Variants in CTNNA3 observed in about 807,000 individuals in gnomAD.
CTNNA3 encodes catenin alpha-3.
CTNNA3 carries 76 observed loss-of-function variants against 95.7 expected under a neutral mutation model. The ratio of observed to expected loss-of-function variants is 0.79; its 90% CI spans 0.66 to 0.96. The LOEUF (loss-of-function observed/expected upper bound fraction) is 0.96. CTNNA3 is among the 40% of genes least tolerant of loss of function. CTNNA3 has a pLI of 0.00. For missense variants in CTNNA3, 1,191 were observed against 1,089.8 expected (o/e 1.09, Z -1.31); for synonymous variants, 431 against 374.4 (o/e 1.15, Z -1.74).
chr10:66,093,818 C>T (rs2081295426), intron 14 of CTNNA3, among the ~76,000 whole-genome samples: 1 of 151,930 alleles, frequency 6.6e-6, no homozygotes. Context: ...ATATATTAGC[C>T]TAGGGTGTGC....
At position 66,452,008 on chromosome 10, in the gene CTNNA3, T is replaced by G. The variant is rs7080975; in HGVS notation, c.1531+68609A>C. Among the ~76,000 whole-genome samples, 936 of 152,306 alleles carry G rather than the reference T, an allele frequency of 6.1e-3. 9 individuals are homozygous for G. Among genetic ancestry groups the G allele is most frequent in the African/African-American group, 0.021 (879 of 41,582 alleles). On this transcript the variant is annotated intron_variant, in intron 11 of 17. Coordinates refer to ENST00000433211, the MANE Select transcript of CTNNA3 (RefSeq NM_013266.4). ...CCCCAGCACTTTCTTCTCCCTCATC[T>G]TCCTATTTCTGAATGGTTCCCTGGC...
At chr10:67,669,621 T>G (rs529930226) in intron 1 of CTNNA3, among the ~76,000 whole-genome samples, 5 of 152,340 alleles carry the variant, frequency 3.3e-5, no homozygotes, top group East Asian at 1.9e-4. Context: ...GAGTAATTAC[T>G]TATAAAATTA....
chr10:66,166,490 G>GAC (rs2085134170), intron 13 of CTNNA3, among the ~76,000 whole-genome samples: 2 of 107,780 alleles, frequency 1.9e-5, no homozygotes, highest in Non-Finnish European at 3.6e-5. Flanking sequence ...CAGAGTGACA[G>GAC]TCTGTCTCAA....
intron 11 of CTNNA3, among the ~76,000 whole-genome samples, chr10:66,380,551 T>G (rs2092829464): frequency 6.6e-6 from 1 of 151,546 alleles, no homozygotes; most frequent in African/African-American, 2.4e-5. Flanking sequence ...GAGGCTACAG[T>G]GAGCTTTGAT....
intron 9 of CTNNA3, among the ~76,000 whole-genome samples, chr10:66,721,706 A>C (rs1384374812): frequency 6.6e-6 from 1 of 152,194 alleles, no homozygotes; most frequent in African/African-American, 2.4e-5. Context: ...GACCATAAAA[A>C]CAGAAGGTGG....
chr10:66,452,729 T>C (rs887397169), intron 11 of CTNNA3, among the ~76,000 whole-genome samples: 2 of 152,150 alleles, frequency 1.3e-5, no homozygotes, highest in African/African-American at 4.8e-5. Context: ...TTTTGAGGTA[T>C]TTTTTAGGCC....
chr10:66,537,922 T>C (rs1052289519), intron 10 of CTNNA3, among the ~76,000 whole-genome samples: 7 of 152,148 alleles, frequency 4.6e-5, no homozygotes, highest in African/African-American at 1.4e-4. Context: ...TTTTACTATA[T>C]TGAAAGGATA....
At chr10:67,577,475 T>C (rs1369983861) in intron 3 of CTNNA3, among the ~76,000 whole-genome samples, 1 of 152,120 alleles carries the variant, frequency 6.6e-6, no homozygotes, top group Non-Finnish European at 1.5e-5. Flanking sequence ...ATTTTGTAGG[T>C]TGCCTGTTCA....
chr10:66,642,644 C>A (rs968247376), intron 9 of CTNNA3, among the ~76,000 whole-genome samples: 1 of 151,842 alleles, frequency 6.6e-6, no homozygotes, highest in Admixed American at 6.6e-5. Flanking sequence ...CCGCCATTTT[C>A]AAAAATATAT....
intron 7 of CTNNA3, among the ~76,000 whole-genome samples, chr10:67,148,274 C>T (rs1860932758): frequency 6.6e-6 from 1 of 152,152 alleles, no homozygotes; most frequent in South Asian, 2.1e-4. Context: ...CAAATCCAGC[C>T]TTAGGAAAAG....
At chr10:66,593,889 C>A (rs1843628596) in intron 10 of CTNNA3, among the ~76,000 whole-genome samples, 1 of 152,022 alleles carries the variant, frequency 6.6e-6, no homozygotes, top group African/African-American at 2.4e-5. Context: ...TTGAACTAGG[C>A]CTCATTGCTT....
chr10:67,124,755 T>C (rs769266559), intron 7 of CTNNA3, among the ~76,000 whole-genome samples: 4 of 152,256 alleles, frequency 2.6e-5, no homozygotes, highest in Non-Finnish European at 5.9e-5. Context: ...AAATTAATCA[T>C]GAAACATTAA....
intron 9 of CTNNA3, among the ~76,000 whole-genome samples, chr10:66,650,256 A>G (rs141839662): frequency 7.9e-5 from 12 of 152,208 alleles, no homozygotes; most frequent in African/African-American, 2.4e-4. Context: ...ACCCGGGTGT[A>G]GCACAGAAAT....
intron 13 of CTNNA3, among the ~76,000 whole-genome samples, chr10:66,114,048 C>T (rs1284518960): frequency 6.6e-6 from 1 of 152,118 alleles, no homozygotes; most frequent in Non-Finnish European, 1.5e-5. Context: ...CACACCCTGA[C>T]CTTCAACTCT....
At chr10:66,787,097 A>G (rs1840779017) in intron 7 of CTNNA3, among the ~76,000 whole-genome samples, 1 of 152,198 alleles carries the variant, frequency 6.6e-6, no homozygotes, top group Non-Finnish European at 1.5e-5. Flanking sequence ...AGAAAAAATT[A>G]AAACCTCTAC....
intron 9 of CTNNA3, among the ~76,000 whole-genome samples, chr10:66,709,636 A>G (rs1848227984): frequency 6.6e-6 from 1 of 152,138 alleles, no homozygotes; most frequent in African/African-American, 2.4e-5. Context: ...ATTGATTACA[A>G]AAGTATGAAT....
chr10:66,199,796 TATA>T (rs2087246807), intron 13 of CTNNA3, among the ~76,000 whole-genome samples: 2 of 16,374 alleles, frequency 1.2e-4, no homozygotes, highest in Non-Finnish European at 2.3e-4. Flanking sequence ...TATATATATA[TATA>T]TATATATTTT....
chr10:66,982,588 CAGT>C (rs1339677877), intron 7 of CTNNA3, among the ~76,000 whole-genome samples: 1 of 151,986 alleles, frequency 6.6e-6, no homozygotes, highest in African/African-American at 2.4e-5. Flanking sequence ...AAGAATAAAA[CAGT>C]AGGTACTGAA....
chr10:66,213,414 T>C lies in CTNNA3; in HGVS notation c.1884+67056A>G, dbSNP rs1332873967. On this transcript the variant is annotated intron_variant, in intron 13 of 17. Transcript: ENST00000433211. The stretch of plus-strand genomic sequence containing the variant: ...ATAGTGGTTAATTTATATATCATAC[T>C]AGCTAGATGAATTACTGACTACGCT... 5.0e-4 allele frequency among the ~76,000 whole-genome samples: 76 copies of C among 152,166 alleles called. 1 individual carries two copies. The highest frequency in any genetic ancestry group is 5.0e-3 in the Admixed American group (76 of 15,262).
Sources: gnomAD v4.1 joint callset for allele counts (sites outside exome capture counted in the v4.1 genomes callset) on GRCh38, gnomAD v4.1.1 for gene constraint, MANE v1.5 for transcripts, NCBI Gene and HGNC (gene_info 2026-07-23, HGNC 2026-07-21) for gene names.